The following POLA1 variants were observed in gnomAD, a reference collection of about 807,000 sequenced individuals.
POLA1 encodes the protein DNA polymerase alpha 1, catalytic subunit.
Under a neutral mutation model 124.0 loss-of-function variants are expected in POLA1, and 15 were observed. The ratio of observed to expected loss-of-function variants is 0.12; its 90% CI spans 0.08 to 0.19. The LOEUF (loss-of-function observed/expected upper bound fraction) is 0.19, where lower values mean the gene tolerates loss of function less well. Among genes scored for constraint, POLA1 ranks in the 10% least tolerant of loss-of-function variants. POLA1 has a pLI of 1.00. For missense variants in POLA1, 886 were observed against 1,103.4 expected, an observed-to-expected ratio of 0.80 and a Z score of 2.79; for synonymous variants, 408 against 389.4, an observed-to-expected ratio of 1.05 and a Z score of -0.56.
intron 26 of POLA1, among the ~76,000 whole-genome samples, chrX:24,761,087 A>C (rs1233731871): frequency 8.9e-6 from 1 of 112,117 alleles, no homozygotes; most frequent in African/African-American, 3.2e-5. Context: ...CACATTTTTA[A>C]AAGAGCAACA....
chrX:24,782,095 A>G (rs1320297349), intron 26 of POLA1, among the ~76,000 whole-genome samples: 1 of 111,762 alleles, frequency 8.9e-6, no homozygotes, highest in Non-Finnish European at 1.9e-5. Context: ...TCAGACTCAC[A>G]TGTACTTGCC....
intron 36 of POLA1, among the ~76,000 whole-genome samples, chrX:24,989,917 CAT>C (rs1431889877): frequency 3.3e-4 from 37 of 111,514 alleles, no homozygotes; most frequent in African/African-American, 1.2e-3. Context: ...AGTATAGAAT[CAT>C]GTGGAGGATA....
chrX:24,799,940 A>G (rs1173873425), intron 26 of POLA1, among the ~76,000 whole-genome samples: 3 of 111,998 alleles, frequency 2.7e-5, no homozygotes, highest in Non-Finnish European at 5.6e-5. Flanking sequence ...AGACACTTTG[A>G]GTCAATTTTA....
chrX:24,704,696 A>G (rs1008297660), intron 4 of POLA1, among the ~76,000 whole-genome samples: 2 of 112,060 alleles, frequency 1.8e-5, no homozygotes, highest in Non-Finnish European at 3.8e-5. Flanking sequence ...TCTGTTATTC[A>G]AGTAGTGTGG....
intron 5 of POLA1, among the ~76,000 whole-genome samples, 173 bp from the exon 6 acceptor site, chrX:24,714,968 A>G (rs1929725097): frequency 8.9e-6 from 1 of 112,500 alleles, no homozygotes; most frequent in African/African-American, 3.2e-5. Context: ...TAGGAATGCT[A>G]TATACACAGG....
chrX:24,860,520 A>G (rs1461411998), intron 34 of POLA1, among the ~76,000 whole-genome samples: 1 of 112,970 alleles, frequency 8.9e-6, no homozygotes, highest in African/African-American at 3.2e-5. Flanking sequence ...GTCTACCTTC[A>G]GAATGGCTAT....
At position 24,698,286 on chromosome X, in the gene POLA1, C is replaced by T. The variant is rs142502238; in HGVS notation, c.44-1139C>T. 7.8e-3 allele frequency among the ~76,000 whole-genome samples: 866 copies of T among 111,708 alleles called. 11 individuals carry two copies. Among genetic ancestry groups the T allele is most frequent in the African/African-American group, 0.027 (823 of 30,753 alleles). On this transcript the variant is annotated intron_variant, in intron 1 of 36. Coordinates refer to ENST00000379068, the MANE Select transcript of POLA1 (RefSeq NM_001330360.2). ...TGTGGAACGGTCAGTTTATGATGAT[C>T]GGAGCATGAATAATTCAAAAGTTGA...
At chrX:24,818,277 A>T (rs1426341014) in intron 30 of POLA1, among the ~76,000 whole-genome samples, 1 of 110,819 alleles carries the variant, frequency 9.0e-6, no homozygotes, top group Non-Finnish European at 1.9e-5. Flanking sequence ...ATTGGAAAGT[A>T]TGTCAGCTGA....
At chrX:24,776,712 C>T (rs1369799075) in intron 26 of POLA1, among the ~76,000 whole-genome samples, 3 of 111,771 alleles carry the variant, frequency 2.7e-5, no homozygotes, top group Non-Finnish European at 5.6e-5. Flanking sequence ...TTCTCAAGTG[C>T]TTATGACATT....
At position 24,762,744 on chromosome X, in the gene POLA1, GT is replaced by G. The variant is rs372694175; in HGVS notation, c.2964+13763del. On this transcript the variant is annotated intron_variant, in intron 26 of 36. Transcript: ENST00000379068. ...GAGGCAGATGTTAATAGTTTTTTGG[GT>G]TTTTTTTTTTGAGGCAGAGTCTCGC... Among the ~76,000 whole-genome samples, 20 of 104,717 alleles carry G rather than the reference GT, an allele frequency of 1.9e-4. 1 individual carries two copies. The highest frequency in any genetic ancestry group is 5.0e-3 in the Middle Eastern group (1 of 201). 90.9% of individuals were successfully genotyped at this position (104,717 alleles called of 115,157 possible). A position where few individuals can be genotyped will look rare whatever the true frequency, so the allele number is the denominator to read the frequency against.
At chrX:24,752,530 T>TA (rs1932373824) in intron 26 of POLA1, among the ~76,000 whole-genome samples, 1 of 112,192 alleles carries the variant, frequency 8.9e-6, no homozygotes, top group Non-Finnish European at 1.9e-5. Flanking sequence ...TGAGTGGACA[T>TA]ATATTTTTAA....
At chrX:24,724,035 A>G (rs370356249) in intron 11 of POLA1, among the ~76,000 whole-genome samples, 16 of 112,159 alleles carry the variant, frequency 1.4e-4, no homozygotes, top group Admixed American at 7.5e-4. Context: ...GCCCCTCCCT[A>G]TATCAGTTGA....
chrX:24,785,887 C>T, intron 26 of POLA1, among the ~76,000 whole-genome samples: 1 of 111,835 alleles, frequency 8.9e-6, no homozygotes, highest in South Asian at 3.7e-4. Flanking sequence ...CCCTGATAAC[C>T]ACTCTTCTAC....
chrX:24,848,628 A>G (rs1040786082), intron 34 of POLA1, among the ~76,000 whole-genome samples: 1 of 112,628 alleles, frequency 8.9e-6, no homozygotes. Context: ...CAAAAGTGCA[A>G]TGAGGGCAGG....
intron 35 of POLA1, among the ~76,000 whole-genome samples, chrX:24,917,063 G>C (rs993523380): frequency 1.8e-5 from 2 of 111,758 alleles, no homozygotes; most frequent in Non-Finnish European, 3.8e-5. Context: ...CAGCACTTTG[G>C]GAGGCTGAGG....
intron 36 of POLA1, among the ~76,000 whole-genome samples, chrX:24,963,231 T>G (rs2048187487): frequency 1.8e-5 from 2 of 111,984 alleles, no homozygotes; most frequent in African/African-American, 6.5e-5. Context: ...TAGATGACCT[T>G]CAGTAAAATA....
chrX:24,876,435 C>T (rs1386707579), intron 34 of POLA1, among the ~76,000 whole-genome samples: 1 of 111,338 alleles, frequency 9.0e-6, no homozygotes, highest in East Asian at 2.8e-4. Flanking sequence ...ACTTTATTGT[C>T]TGCTATGAAA....
intron 32 of POLA1, among the ~76,000 whole-genome samples, chrX:24,832,940 G>A (rs181172623): frequency 1.8e-5 from 2 of 111,527 alleles, no homozygotes; most frequent in Admixed American, 9.5e-5. Flanking sequence ...TGGTTTTGGG[G>A]GAACGGTTAG....
intron 34 of POLA1, among the ~76,000 whole-genome samples, chrX:24,845,637 G>GTTA (rs2046466510): frequency 8.9e-6 from 1 of 111,737 alleles, no homozygotes; most frequent in African/African-American, 3.3e-5. Flanking sequence ...ACTGATTACA[G>GTTA]TTATTAGTTC....
Sources: gnomAD v4.1 joint callset for allele counts (sites outside exome capture counted in the v4.1 genomes callset) on GRCh38, gnomAD v4.1.1 for gene constraint, MANE v1.5 for transcripts, NCBI Gene and HGNC (gene_info 2026-07-23, HGNC 2026-07-21) for gene names.